The following STAU2 variants were observed in gnomAD, a reference collection of about 807,000 sequenced individuals.
STAU2 encodes the protein double-stranded RNA-binding protein Staufen homolog 2.
Under a neutral mutation model 65.9 loss-of-function variants are expected in STAU2, and 20 were observed. The observed-to-expected ratio is 0.30, with a 90% CI of 0.21 to 0.44. The LOEUF is 0.44. Ranked by LOEUF, STAU2 falls within the 20% of genes least tolerant of loss-of-function variation. STAU2 has a pLI of 1.00. For synonymous variants in STAU2, 232 were observed against 233.9 expected (o/e 0.99, Z 0.07); for missense variants, 558 against 683.9 (o/e 0.82, Z 2.05).
At chr8:73,452,934 A>G (rs928667476) in intron 13 of STAU2, among the ~76,000 whole-genome samples, 2 of 152,230 alleles carry the variant, frequency 1.3e-5, no homozygotes, top group Non-Finnish European at 2.9e-5. Context: ...AGAAAGGTTT[A>G]GAAACAATAA....
At chr8:73,549,519 C>G in intron 13 of STAU2, 2 of 502,224 alleles carry the variant, frequency 4.0e-6, no homozygotes, top group Non-Finnish European at 5.1e-6. Flanking sequence ...TACCTACATT[C>G]AGTTGATCAA....
At chr8:73,554,936 C>A (rs1044395014) in intron 12 of STAU2, among the ~76,000 whole-genome samples, 1 of 152,224 alleles carries the variant, frequency 6.6e-6, no homozygotes, top group East Asian at 1.9e-4. Context: ...GATCCCAACA[C>A]ATCTTTATTT....
At chr8:73,454,961 G>C (rs368257165) in intron 13 of STAU2, among the ~76,000 whole-genome samples, 5 of 152,282 alleles carry the variant, frequency 3.3e-5, no homozygotes, top group African/African-American at 1.2e-4. Flanking sequence ...CACTAGGAGA[G>C]AGGTAGTTTA....
rs1820100506 is a variant in STAU2 at position 73,701,518 on chromosome 8, A to C, written c.114+7514T>G. Among the ~76,000 whole-genome samples the C allele has an allele frequency of 2.0e-5, 3 of 152,306 alleles. No individual in the cohort carries two copies. The South Asian group carries it at 6.2e-4, about 32-fold the overall frequency. ...TGATCATCAGAGAAATGCAAATCAA[A>C]ACTACACTGAGATATCATCTTGCTC... On this transcript the variant is annotated intron_variant, in intron 4 of 14. Coordinates refer to ENST00000524300, the MANE Select transcript of STAU2 (RefSeq NM_001164380.2).
chr8:73,484,207 T>C (rs1221660700), intron 13 of STAU2, among the ~76,000 whole-genome samples: 1 of 152,160 alleles, frequency 6.6e-6, no homozygotes, highest in Non-Finnish European at 1.5e-5. Flanking sequence ...AACATAATGA[T>C]ATGATATAAA....
intron 5 of STAU2, chr8:73,675,657 C>T (rs1340231816): frequency 3.3e-5 from 5 of 152,128 alleles, no homozygotes; most frequent in Admixed American, 6.6e-5. Context: ...GAGGGGCATT[C>T]TAAAAACTCT....
At chr8:73,548,793 C>T (rs139277660) in intron 13 of STAU2, among the ~76,000 whole-genome samples, 1 of 152,158 alleles carries the variant, frequency 6.6e-6, no homozygotes, top group Non-Finnish European at 1.5e-5. Flanking sequence ...GGATGATGCT[C>T]ACAGGAGAGG....
intron 12 of STAU2, among the ~76,000 whole-genome samples, chr8:73,572,129 C>A (rs1373629068): frequency 6.6e-6 from 1 of 152,154 alleles, no homozygotes; most frequent in Non-Finnish European, 1.5e-5. Flanking sequence ...CACCTCTACG[C>A]AAATAAACTA....
Position 73,552,157 on chromosome 8 carries a change from G to A in STAU2, c.1385C>T (p.Ala462Val). ...CATAAGGAGTTCCCTGGCAATTGTA[G>A]CTGAACTATTCGATGTGGGAGATAT... ...FSISPTSNSS[A>V]TIARELLMNG... Residue 462 changes from alanine to valine, a missense_variant, in exon 13 of 15, where the codon GCT (alanine) becomes GTT (valine). By Grantham distance (64) the Ala-to-Val change is moderately conservative (BLOSUM62 0). This residue lies in a region of STAU2 where 247 missense variants were observed against 270.1 expected (regional missense o/e 0.91). Transcript: ENST00000524300. The A allele has an allele frequency of 6.2e-7, 1 of 1,613,992 alleles. No homozygotes were observed. Among genetic ancestry groups the A allele is most frequent in the Non-Finnish European group, 8.5e-7 (1 of 1,179,890 alleles).
intron 10 of STAU2, among the ~76,000 whole-genome samples, chr8:73,598,008 A>G (rs185165657): frequency 6.6e-6 from 1 of 152,272 alleles, no homozygotes; most frequent in African/African-American, 2.4e-5. Flanking sequence ...TCCCAACAAG[A>G]ACAGTATAAG....
chr8:73,733,889 T>G (rs1806243945), intron 3 of STAU2, among the ~76,000 whole-genome samples: 1 of 152,128 alleles, frequency 6.6e-6, no homozygotes, highest in East Asian at 1.9e-4. Flanking sequence ...ACATACATCT[T>G]TGACTAGTAT....
At chr8:73,570,085 C>T (rs565155667) in intron 12 of STAU2, among the ~76,000 whole-genome samples, 31 of 152,188 alleles carry the variant, frequency 2.0e-4, no homozygotes, top group Non-Finnish European at 2.2e-4. Context: ...ATTCGACAAA[C>T]GGCTAACTAG....
intron 13 of STAU2, among the ~76,000 whole-genome samples, chr8:73,435,043 C>T (rs1309317537): frequency 7.8e-6 from 1 of 128,228 alleles, no homozygotes; most frequent in Admixed American, 7.2e-5. Flanking sequence ...TCAGGAACAC[C>T]TGGCAGATGT....
intron 6 of STAU2, among the ~76,000 whole-genome samples, chr8:73,636,854 T>A (rs1267574667): frequency 6.8e-6 from 1 of 147,924 alleles, no homozygotes; most frequent in Non-Finnish European, 1.5e-5. Flanking sequence ...CAGAGGAGAC[T>A]CTGTATTCAA....
At position 73,597,669 on chromosome 8, in the gene STAU2, C is replaced by CAAAAAAAAAAA. The variant is rs34461371; in HGVS notation, c.1030-2383_1030-2373dup. On this transcript the variant is annotated intron_variant, in intron 10 of 14. Transcript: ENST00000524300. ...TGGGCGATAGAGTGAGTCTCTGTCTCAAAAAAAAAAAAAAAAAAAAAAAAA... is the reference window on the plus strand; with the variant it reads ...TGGGCGATAGAGTGAGTCTCTGTCTCAAAAAAAAAAAAAAAAAAAAAAAAAAAAAAAAAAAA... Among the ~76,000 whole-genome samples the CAAAAAAAAAAA allele has an allele frequency of 3.6e-5, 2 of 55,862 alleles. 1 individual carries two copies. The highest frequency in any genetic ancestry group is 6.2e-5 in the Non-Finnish European group (2 of 32,248). 36.6% of individuals were successfully genotyped at this position (55,862 alleles called of 152,430 possible).
chr8:73,630,513 G>A (rs187569211), intron 6 of STAU2, among the ~76,000 whole-genome samples: 25 of 152,306 alleles, frequency 1.6e-4, no homozygotes, highest in Admixed American at 8.5e-4. Context: ...ATACAGATAC[G>A]TGTATTTTAG....
intron 13 of STAU2, among the ~76,000 whole-genome samples, chr8:73,429,062 CAG>C (rs1353121091): frequency 7.2e-5 from 11 of 152,188 alleles, no homozygotes; most frequent in Non-Finnish European, 1.5e-4. Context: ...TTCCAAGGGG[CAG>C]TCCCTTATCT....
chr8:73,503,208 G>A (rs80010676), intron 13 of STAU2, among the ~76,000 whole-genome samples: 31 of 152,172 alleles, frequency 2.0e-4, no homozygotes, highest in African/African-American at 7.2e-4. Flanking sequence ...AGTGTACATG[G>A]GAGACACCAT....
intron 13 of STAU2, among the ~76,000 whole-genome samples, chr8:73,547,756 C>T (rs964385362): frequency 6.6e-6 from 1 of 152,120 alleles, no homozygotes; most frequent in Non-Finnish European, 1.5e-5. Flanking sequence ...TGGTTTTATA[C>T]ATTTGTTTAA....
Sources: gnomAD v4.1 joint callset for allele counts (sites outside exome capture counted in the v4.1 genomes callset) on GRCh38, gnomAD v4.1.1 for gene constraint, gnomAD v4.1.1 regional missense constraint, MANE v1.5 for transcripts, NCBI Gene and HGNC (gene_info 2026-07-23, HGNC 2026-07-21) for gene names.